ROBO2: variants seen among roughly 807,000 people sequenced by gnomAD.
The protein encoded by ROBO2 is roundabout homolog 2.
In ROBO2, 53 loss-of-function variants were observed where a neutral mutation model predicts 160.8. That is an observed-to-expected ratio of 0.33 (90% confidence interval 0.26 to 0.41). The LOEUF is 0.41. Among genes scored for constraint, ROBO2 ranks in the 10% least tolerant of loss-of-function variants. ROBO2 has a pLI of 1.00. For missense variants in ROBO2, 1,577 were observed against 1,722.4 expected, an observed-to-expected ratio of 0.92 and a Z score of 1.49; for synonymous variants, 664 against 611.7, an observed-to-expected ratio of 1.09 and a Z score of -1.26.
intron 2 of ROBO2, among the ~76,000 whole-genome samples, chr3:77,169,694 C>T (rs996002935): frequency 6.6e-6 from 1 of 152,220 alleles, no homozygotes; most frequent in Admixed American, 6.5e-5. Context: ...TAGGTAAGGA[C>T]TGCCTTGATG....
intron 2 of ROBO2, among the ~76,000 whole-genome samples, chr3:77,368,468 T>C (rs1046254362): frequency 6.6e-6 from 1 of 152,166 alleles, no homozygotes; most frequent in Non-Finnish European, 1.5e-5. Flanking sequence ...GAGCACCAAA[T>C]TTGCTCATTG....
rs568510878 is a variant in ROBO2, at chr3:77,408,221, C to T, written c.389-69193C>T. On this transcript the variant is annotated intron_variant, in intron 2 of 25. Coordinates refer to ENST00000461745, the Ensembl canonical transcript of ROBO2. ...TGGTAAGTAGTGACTGATTTATTCT[C>T]CTTAAAATAAATACATCGCTTGTGT... 2.0e-5 allele frequency among the ~76,000 whole-genome samples: 3 copies of T among 152,214 alleles called. 1 individual carries two copies. Among genetic ancestry groups the T allele is most frequent in the South Asian group, 4.1e-4 (2 of 4,822 alleles).
intron 2 of ROBO2, among the ~76,000 whole-genome samples, chr3:76,459,072 A>G (rs1002044333): frequency 1.2e-4 from 19 of 152,116 alleles, no homozygotes; most frequent in African/African-American, 4.4e-4. Context: ...CTGAATTTAT[A>G]TCTGGCTTTG....
chr3:77,528,796 A>G (rs2091404524), intron 6 of ROBO2, among the ~76,000 whole-genome samples: 1 of 151,716 alleles, frequency 6.6e-6, no homozygotes, highest in East Asian at 1.9e-4. Context: ...ATTGAAACAT[A>G]AACTGCAGGG....
intron 2 of ROBO2, among the ~76,000 whole-genome samples, chr3:75,997,994 T>C (rs1356703344): frequency 6.6e-6 from 1 of 152,178 alleles, no homozygotes; most frequent in Non-Finnish European, 1.5e-5. Flanking sequence ...TAAGATGAAA[T>C]GATAATAGAT....
At chr3:75,908,728 T>A (rs575948882) in intron 1 of ROBO2, among the ~76,000 whole-genome samples, 3 of 152,218 alleles carry the variant, frequency 2.0e-5, no homozygotes, top group African/African-American at 4.8e-5. Context: ...AAATATACTA[T>A]AATTTTGTGG....
chr3:77,309,850 G>A (rs372408218), intron 2 of ROBO2, among the ~76,000 whole-genome samples: 1 of 152,142 alleles, frequency 6.6e-6, no homozygotes, highest in Non-Finnish European at 1.5e-5. Context: ...GATTTTTAAA[G>A]CAGTGGTACT....
intron 2 of ROBO2, among the ~76,000 whole-genome samples, chr3:75,938,387 T>G (rs1947893040): frequency 6.6e-6 from 1 of 152,050 alleles, no homozygotes; most frequent in South Asian, 2.1e-4. Flanking sequence ...GTGTGTTGCC[T>G]GCTCAGATAC....
At chr3:77,126,578 C>T (rs1195818838) in intron 2 of ROBO2, among the ~76,000 whole-genome samples, 1 of 151,908 alleles carries the variant, frequency 6.6e-6, no homozygotes, top group Non-Finnish European at 1.5e-5. Context: ...TAAATTATTC[C>T]ACAGTATTCA....
intron 2 of ROBO2, among the ~76,000 whole-genome samples, chr3:76,026,669 C>T (rs573826694): frequency 7.2e-5 from 11 of 151,958 alleles, no homozygotes; most frequent in Admixed American, 5.3e-4. Context: ...ATTCTTTGAG[C>T]TTGTGTGGAG....
chr3:75,956,831 C>A (rs561785164), intron 2 of ROBO2, among the ~76,000 whole-genome samples: 7 of 151,716 alleles, frequency 4.6e-5, no homozygotes, highest in African/African-American at 1.7e-4. Flanking sequence ...ATTTGCCATT[C>A]GCATTGGCCC....
intron 2 of ROBO2, among the ~76,000 whole-genome samples, chr3:77,195,268 T>C (rs1280666923): frequency 6.6e-6 from 1 of 152,226 alleles, no homozygotes; most frequent in African/African-American, 2.4e-5. Context: ...GAACATTTTA[T>C]TATCTTGATT....
intron 16 of ROBO2, among the ~76,000 whole-genome samples, chr3:77,586,966 A>C (rs369236245): frequency 4.7e-4 from 72 of 151,968 alleles, no homozygotes; most frequent in African/African-American, 1.7e-3. Context: ...TTAATACAAA[A>C]GACCTTTCAG....
intron 6 of ROBO2, among the ~76,000 whole-genome samples, chr3:77,545,977 G>A (rs1274598628): frequency 6.6e-6 from 1 of 152,090 alleles, no homozygotes; most frequent in Admixed American, 6.6e-5. Flanking sequence ...GGTTGAGTAA[G>A]AGAGTGATTC....
chr3:76,705,177 CT>C (rs2093134634), intron 2 of ROBO2, among the ~76,000 whole-genome samples: 1 of 152,222 alleles, frequency 6.6e-6, no homozygotes, highest in Non-Finnish European at 1.5e-5. Flanking sequence ...CTCATTATCT[CT>C]GTGTATGTTG....
chr3:76,138,047 C>T (rs1194702768), intron 2 of ROBO2, among the ~76,000 whole-genome samples: 4 of 151,956 alleles, frequency 2.6e-5, no homozygotes, highest in African/African-American at 9.7e-5. Flanking sequence ...ATTCTACCTA[C>T]CACAAAAGCA....
intron 17 of ROBO2, 145 bp downstream of exon 18, chr3:77,589,078 T>C: frequency 2.3e-6 from 2 of 871,638 alleles, no homozygotes; most frequent in Non-Finnish European, 3.7e-6. Context: ...CTCAACATGC[T>C]TTAATGCATT....
At chr3:77,198,447 C>T (rs897436164) in intron 2 of ROBO2, among the ~76,000 whole-genome samples, 12 of 151,986 alleles carry the variant, frequency 7.9e-5, no homozygotes, top group Non-Finnish European at 1.3e-4. Context: ...AAAGAAGGTC[C>T]GGTGGCTGGA....
chr3:76,242,835 G>A (rs1450987892), intron 2 of ROBO2, among the ~76,000 whole-genome samples: 1 of 152,114 alleles, frequency 6.6e-6, no homozygotes, highest in Non-Finnish European at 1.5e-5. Context: ...AGTGACCCGT[G>A]ATAGTGCCAC....
Sources: allele counts gnomAD v4.1 joint callset (sites outside exome capture counted in the v4.1 genomes callset), GRCh38; gene constraint gnomAD v4.1.1; transcripts MANE v1.5; gene names NCBI Gene and HGNC (gene_info 2026-07-23, HGNC 2026-07-21).